NLK: variants seen among roughly 807,000 people sequenced by gnomAD.
NLK encodes the protein nemo like kinase, also known as serine/threonine-protein kinase NLK.
A neutral mutation model predicts 59.0 loss-of-function variants in NLK; 11 were observed. The observed-to-expected ratio is 0.19, with a 90% CI of 0.12 to 0.31. The LOEUF is 0.31. Among genes scored for constraint, NLK ranks in the 10% least tolerant of loss-of-function variants. The probability of loss-of-function intolerance (pLI) is 1.00; values close to 1 mark genes in which losing one functional copy is unlikely to be tolerated. For missense variants in NLK, 410 were observed against 661.1 expected, an observed-to-expected ratio of 0.62 and a Z score of 4.16; for synonymous variants, 235 against 235.9, an observed-to-expected ratio of 1.00 and a Z score of 0.03.
At chr17:28,152,099 G>T (rs569942484) in intron 3 of NLK, among the ~76,000 whole-genome samples, 10 of 152,286 alleles carry the variant, frequency 6.6e-5, no homozygotes, top group Admixed American at 5.2e-4. Flanking sequence ...AATCCCACAG[G>T]TATAGGGTGA....
chr17:28,145,682 C>G (rs1405078550), intron 3 of NLK, among the ~76,000 whole-genome samples: 1 of 151,922 alleles, frequency 6.6e-6, no homozygotes, highest in Non-Finnish European at 1.5e-5. Flanking sequence ...CCTAGTCTTT[C>G]CTTTTGAGAT....
chr17:28,098,849 A>T (rs1484309819), intron 1 of NLK, among the ~76,000 whole-genome samples: 1 of 151,766 alleles, frequency 6.6e-6, no homozygotes, highest in Middle Eastern at 3.2e-3. Context: ...CGCTCGGCTA[A>T]TTTTTTATTT....
At chr17:28,088,696 TTTTGACATAACCC>T (rs1278655792) in intron 1 of NLK, among the ~76,000 whole-genome samples, 1 of 152,224 alleles carries the variant, frequency 6.6e-6, no homozygotes, top group Non-Finnish European at 1.5e-5. Context: ...TCCTGAGTCC[TTTTGACATAACCC>T]TAGTTGTCTA....
At position 28,142,227 on chromosome 17, in the gene NLK, A is replaced by AT. The variant is rs200847224; in HGVS notation, c.644+9561dup. Among the ~76,000 whole-genome samples, 900 of 151,300 alleles carry AT rather than the reference A, an allele frequency of 5.9e-3. 5 individuals carry two copies. Among genetic ancestry groups the AT allele is most frequent in the African/African-American group, 0.021 (865 of 41,262 alleles). On this transcript the variant is annotated intron_variant, in intron 3 of 10. Transcript: ENST00000407008. ...TCTTTTTTTTCTGGTGATTGGATTG[A>AT]TTTTTTTTTAGTCAGTTTTAAATTA...
chr17:28,199,145 G>A (rs145495900), downstream of NLK, among the ~76,000 whole-genome samples: 132 of 152,300 alleles, frequency 8.7e-4, 11 homozygotes, highest in Non-Finnish European at 2.2e-4. Flanking sequence ...CTACAGCTAC[G>A]AAGTTTTGGG....
intron 3 of NLK, among the ~76,000 whole-genome samples, chr17:28,157,907 C>T (rs1297242607): frequency 1.3e-5 from 2 of 152,172 alleles, no homozygotes; most frequent in Admixed American, 6.5e-5. Flanking sequence ...TACATTCATT[C>T]ATCAAATATT....
At chr17:28,102,311 CT>C (rs1904930424) in intron 1 of NLK, among the ~76,000 whole-genome samples, 1 of 152,068 alleles carries the variant, frequency 6.6e-6, no homozygotes, top group Admixed American at 6.6e-5. Flanking sequence ...ACAGTAATTG[CT>C]TTAATCAAAC....
chr17:28,082,901 A>G (rs1910396078), intron 1 of NLK, among the ~76,000 whole-genome samples: 1 of 152,236 alleles, frequency 6.6e-6, no homozygotes, highest in South Asian at 2.1e-4. Flanking sequence ...AGCCTTAAGA[A>G]TTGGCTATAC....
chr17:28,154,053 A>G (rs1270607755), intron 3 of NLK, among the ~76,000 whole-genome samples: 2 of 152,206 alleles, frequency 1.3e-5, no homozygotes, highest in Non-Finnish European at 2.9e-5. Context: ...TGGATAGAAC[A>G]TAAATCTTTA....
chr17:28,115,167 A>G (rs1905707814), intron 1 of NLK, among the ~76,000 whole-genome samples: 1 of 152,174 alleles, frequency 6.6e-6, no homozygotes, highest in Non-Finnish European at 1.5e-5. Context: ...GGAGTGAAGA[A>G]GTATTGCTTG....
chr17:28,187,114 T>TC (rs1181179610), intron 8 of NLK, among the ~76,000 whole-genome samples: 2 of 152,230 alleles, frequency 1.3e-5, no homozygotes, highest in African/African-American at 4.8e-5. Context: ...GTAATTTCTG[T>TC]CTGACCATAG....
intron 1 of NLK, among the ~76,000 whole-genome samples, chr17:28,047,287 CA>C (rs1183914296): frequency 6.6e-6 from 1 of 152,124 alleles, no homozygotes; most frequent in Non-Finnish European, 1.5e-5. Context: ...TCAGATTTAT[CA>C]GGTGAAATCA....
chr17:28,152,091 T>C (rs1907504164), intron 3 of NLK, among the ~76,000 whole-genome samples: 1 of 152,238 alleles, frequency 6.6e-6, no homozygotes, highest in African/African-American at 2.4e-5. Context: ...TCCATTCAAA[T>C]CCCACAGGTA....
intron 1 of NLK, among the ~76,000 whole-genome samples, chr17:28,096,731 T>G (rs979947184): frequency 2.0e-5 from 3 of 152,300 alleles, no homozygotes. Flanking sequence ...GGAAAAAGAA[T>G]TTTTCAACAT....
At chr17:28,186,530 G>A (rs1322346385) in intron 8 of NLK, among the ~76,000 whole-genome samples, 1 of 152,158 alleles carries the variant, frequency 6.6e-6, no homozygotes, top group African/African-American at 2.4e-5. Context: ...ATTTACAAAA[G>A]AAAGAGGTTT....
chr17:28,146,092 A>G (rs1907235553), intron 3 of NLK, among the ~76,000 whole-genome samples: 1 of 152,154 alleles, frequency 6.6e-6, no homozygotes, highest in Non-Finnish European at 1.5e-5. Context: ...GGAAAGAAAT[A>G]GGGGCACATT....
the NLK span, among the ~76,000 whole-genome samples, chr17:28,201,382 C>CT: frequency 0.98 from 124,940 of 126,926 alleles, 61,535 homozygotes; most frequent in Middle Eastern, 1. Context: ...TGCACCTGGT[C>CT]TTTTTTTTTT....
At chr17:28,097,804 C>T (rs1044910429) in intron 1 of NLK, among the ~76,000 whole-genome samples, 1 of 152,116 alleles carries the variant, frequency 6.6e-6, no homozygotes, top group Non-Finnish European at 1.5e-5. Context: ...GGATATATCA[C>T]TTTTCAGTTG....
At chr17:28,180,812 T>A (rs1908874684) in intron 7 of NLK, among the ~76,000 whole-genome samples, 1 of 152,162 alleles carries the variant, frequency 6.6e-6, no homozygotes, top group African/African-American at 2.4e-5. Flanking sequence ...TCAAATTACT[T>A]CACTTTACAC....
Sources: gnomAD v4.1 joint callset for allele counts (sites outside exome capture counted in the v4.1 genomes callset) on GRCh38, gnomAD v4.1.1 for gene constraint, MANE v1.5 for transcripts, NCBI Gene and HGNC (gene_info 2026-07-23, HGNC 2026-07-21) for gene names.